The following RUNX1T1 variants were observed in gnomAD, a reference collection of about 807,000 sequenced individuals.
RUNX1T1 encodes the protein RUNX1 partner transcriptional co-repressor 1.
A neutral mutation model predicts 62.8 loss-of-function variants in RUNX1T1; 4 were observed. The observed-to-expected ratio is 0.06, with a 90% CI of 0.03 to 0.15. The LOEUF is 0.15. RUNX1T1 is among the 10% of genes least tolerant of loss of function. The pLI, the probability that RUNX1T1 is intolerant of heterozygous loss-of-function variation, is 1.00. For missense variants in RUNX1T1, 508 were observed against 754.3 expected (o/e 0.67, Z 3.82); for synonymous variants, 291 against 286.0 (o/e 1.02, Z -0.18).
chr8:92,032,057 C>T (rs1826338343), intron 1 of RUNX1T1, among the ~76,000 whole-genome samples: 1 of 140,176 alleles, frequency 7.1e-6, no homozygotes, highest in African/African-American at 2.7e-5. Context: ...TGCACCACTG[C>T]ACTCCAGCCT....
chr8:92,029,509 T>TA (rs1193616895), intron 1 of RUNX1T1, among the ~76,000 whole-genome samples: 1 of 152,116 alleles, frequency 6.6e-6, no homozygotes. Context: ...ATGGTGATGT[T>TA]AAAAACCAAT....
At chr8:91,955,982 G>A (rs1402613554), downstream of RUNX1T1, 4 of 229,738 alleles carry the variant, frequency 1.7e-5, no homozygotes, top group Non-Finnish European at 3.5e-5. Context: ...CAATGGTAGC[G>A]ACTTTTAATT....
At chr8:92,004,312 T>C (rs759599799) in intron 5 of RUNX1T1, 7 of 152,264 alleles carry the variant, frequency 4.6e-5, no homozygotes, top group Non-Finnish European at 8.8e-5. Flanking sequence ...ATTCTCCATA[T>C]TTCAAAAACA....
intron 6 of RUNX1T1, 81 bp from the exon 8 acceptor site, chr8:91,987,053 T>C: frequency 1.1e-6 from 1 of 904,392 alleles, no homozygotes; most frequent in Admixed American, 1.7e-5. Flanking sequence ...GCAAGGACTA[T>C]GTGGGCAAAC....
At chr8:92,033,968 CA>C (rs990551648) in intron 1 of RUNX1T1, among the ~76,000 whole-genome samples, 20 of 141,532 alleles carry the variant, frequency 1.4e-4, no homozygotes, top group South Asian at 2.2e-4. Context: ...GACTCTGTCT[CA>C]AAAAAAAAAA....
At chr8:91,970,073 T>C (rs1463064987) in intron 10 of RUNX1T1, among the ~76,000 whole-genome samples, 1 of 151,118 alleles carries the variant, frequency 6.6e-6, no homozygotes, top group Non-Finnish European at 1.5e-5. Context: ...ATTATTATAC[T>C]GGAACAATAA....
intron 1 of RUNX1T1, among the ~76,000 whole-genome samples, chr8:92,047,526 A>G (rs1563841295): frequency 6.6e-6 from 1 of 152,132 alleles, no homozygotes; most frequent in Non-Finnish European, 1.5e-5. Flanking sequence ...ATACACTAGA[A>G]TGTAAGTTCT....
At chr8:92,037,524 C>T (rs1827644997) in intron 1 of RUNX1T1, among the ~76,000 whole-genome samples, 2 of 151,996 alleles carry the variant, frequency 1.3e-5, no homozygotes, top group Non-Finnish European at 2.9e-5. Context: ...CAGAAAAATG[C>T]AAAAATGAGC....
At chr8:91,993,187 G>A (rs542494969) in intron 5 of RUNX1T1, among the ~76,000 whole-genome samples, 10 of 152,090 alleles carry the variant, frequency 6.6e-5, no homozygotes, top group East Asian at 1.9e-4. Context: ...CTACTTTCCC[G>A]GCATCTAGTG....
Position 91,986,118 on chromosome 8 carries a change from A to G in RUNX1T1, c.1198+6T>C, listed in dbSNP as rs759198896. The G allele has an allele frequency of 6.2e-7, 1 of 1,602,366 alleles. No individual in the cohort carries two copies. The highest frequency in any genetic ancestry group is 1.3e-5 in the African/African-American group (1 of 74,698). ...TTTTCGAGATACTCATCTGAAGAAA[A>G]GTTACCTAGTGCAACTGGGTCTGGG... On this transcript the variant is annotated splice_donor_region_variant and intron_variant, in intron 8 of 10. Transcript: ENST00000396218.
intron 8 of RUNX1T1, 21 bp from the exon 10 acceptor site, chr8:91,975,994 G>GCC: frequency 6.3e-7 from 1 of 1,586,378 alleles, no homozygotes; most frequent in South Asian, 1.1e-5. Flanking sequence ...GATGGGAAGG[G>GCC]GGTGGAGAGA....
chr8:91,955,711 C>T (rs1031403104), downstream of RUNX1T1: 4 of 223,684 alleles, frequency 1.8e-5, no homozygotes, highest in Admixed American at 1.1e-4. Flanking sequence ...TTTTTTGCAA[C>T]GATTATTTTG....
At chr8:92,004,866 T>C (rs1820439686) in intron 5 of RUNX1T1, 1 of 372,358 alleles carries the variant, frequency 2.7e-6, no homozygotes, top group African/African-American at 2.1e-5. Context: ...ATCATTCGTC[T>C]TCACCATTTC....
At chr8:91,960,189 A>C in exon 11 of RUNX1T1, 1 of 1,547,704 alleles carries the variant, frequency 6.5e-7, no homozygotes, top group Non-Finnish European at 8.8e-7. Context: ...AGGATGAGGA[A>C]TTGGTTTCGC....
chr8:91,965,310 T>G (rs889260227), intron 10 of RUNX1T1, among the ~76,000 whole-genome samples: 1 of 152,232 alleles, frequency 6.6e-6, no homozygotes, highest in Non-Finnish European at 1.5e-5. Flanking sequence ...TGCTGATTAC[T>G]TCCCCGTTCT....
At chr8:92,060,547 A>ATGTGTGTG (rs1394920440) in intron 1 of RUNX1T1, among the ~76,000 whole-genome samples, 7 of 102,792 alleles carry the variant, frequency 6.8e-5, no homozygotes, top group African/African-American at 2.5e-4. Flanking sequence ...ATATATATAT[A>ATGTGTGTG]TATATATGTG....
At chr8:92,077,450 G>A (rs975744045) in intron 1 of RUNX1T1, among the ~76,000 whole-genome samples, 1 of 152,030 alleles carries the variant, frequency 6.6e-6, no homozygotes, top group Non-Finnish European at 1.5e-5. Context: ...GGGGGAGGGT[G>A]CACACAGCGG....
At chr8:92,094,828 C>CA in intron 1 of RUNX1T1, among the ~76,000 whole-genome samples, 1 of 152,228 alleles carries the variant, frequency 6.6e-6, no homozygotes, top group South Asian at 2.1e-4. Context: ...TTCCTTCCAC[C>CA]AAAAGAGAGA....
chr8:92,011,011 T>C (rs767250787), exon 4 of RUNX1T1: 2 of 1,587,194 alleles, frequency 1.3e-6, no homozygotes, highest in Non-Finnish European at 1.7e-6. Flanking sequence ...CCTTCAAAAA[T>C]GGGATGACAA....
Sources: gnomAD v4.1 joint callset for allele counts (sites outside exome capture counted in the v4.1 genomes callset) on GRCh38, gnomAD v4.1.1 for gene constraint, MANE v1.5 for transcripts, NCBI Gene and HGNC (gene_info 2026-07-23, HGNC 2026-07-21) for gene names.